Variants in HDAC11 observed in about 807,000 individuals in gnomAD.
The protein encoded by HDAC11 is histone deacetylase 11.
Under a neutral mutation model 41.1 loss-of-function variants are expected in HDAC11, and 23 were observed. The observed-to-expected ratio is 0.56, with a 90% CI of 0.40 to 0.79. The LOEUF is 0.79. Ranked by LOEUF, HDAC11 falls within the 30% of genes least tolerant of loss-of-function variation. The pLI is 0.00. For synonymous variants in HDAC11, 187 were observed against 186.6 expected, an observed-to-expected ratio of 1.00 and a Z score of -0.02; for missense variants, 402 against 477.3, an observed-to-expected ratio of 0.84 and a Z score of 1.47.
At position 13,493,733 on chromosome 3, in the gene HDAC11, C is replaced by T. The variant is rs532289661; in HGVS notation, c.253-3003C>T. On this transcript the variant is annotated intron_variant, in intron 3 of 9. Transcript: ENST00000295757. ...AAGCCTGCTGCTCCGCTGAGGGGCT[C>T]GTCTCGCCAACGTTGGCACAGCAAA... is the stretch of plus-strand genomic sequence containing the variant. 5.1e-4 allele frequency among the ~76,000 whole-genome samples: 77 copies of T among 152,310 alleles called. 2 individuals carry two copies. In the South Asian group the frequency reaches 0.015, roughly 30 times the overall value.
chr3:13,486,014 T>G (rs1019269482), intron 3 of HDAC11, among the ~76,000 whole-genome samples: 2 of 152,076 alleles, frequency 1.3e-5, no homozygotes, highest in African/African-American at 4.8e-5. Flanking sequence ...ATGCCTGTAA[T>G]CCCAGCACTT....
In HDAC11 at chr3:13,496,753, T is replaced by A. The variant is rs1400995811; in HGVS notation, c.270T>A (p.Ala90=). ...TTCCGCAGTGGTCCTTTGCTGTTGC[T>A]ACCATCACAGAAATCCCCCCCGTTA... ...LNELKWSFAV[A]TITEIPPVIF... Residue 90 remains alanine, a synonymous_variant, in exon 4 of 10, where the codon GCT becomes GCA. Coordinates refer to ENST00000295757, the MANE Select transcript of HDAC11 (RefSeq NM_024827.4). 2 of 1,605,634 alleles carry A rather than the reference T, an allele frequency of 1.2e-6. No homozygotes were observed. Among genetic ancestry groups the A allele is most frequent in the Non-Finnish European group, 1.7e-6 (2 of 1,176,110 alleles).
chr3:13,494,876 G>T (rs1462636398), intron 3 of HDAC11, among the ~76,000 whole-genome samples: 1 of 152,144 alleles, frequency 6.6e-6, no homozygotes, highest in East Asian at 1.9e-4. Context: ...CTGACTTAGG[G>T]TGTGTCCTGC....
intron 3 of HDAC11, among the ~76,000 whole-genome samples, chr3:13,483,840 A>G (rs1433957338): frequency 1.3e-5 from 2 of 152,130 alleles, no homozygotes; most frequent in African/African-American, 2.4e-5. Context: ...TTAGGCTTCT[A>G]CATTATGACT....
Position 13,506,405 on chromosome 3 carries a change from T to C in HDAC11, c.*1722T>C, listed in dbSNP as rs942352403. On this transcript the variant is annotated 3_prime_UTR_variant, in exon 10 of 10. Coordinates refer to ENST00000295757, the MANE Select transcript of HDAC11 (RefSeq NM_024827.4). ...TGGGTAGCTGCTCAATAAATGCTAG[T>C]GTGTTATTTCATCTTCTGAGTCCTG... 2.6e-5 allele frequency: 4 copies of C among 152,176 alleles called. No individual in the cohort carries two copies. Among genetic ancestry groups the C allele is most frequent in the African/African-American group, 9.7e-5 (4 of 41,426 alleles). 9.4% of individuals were successfully genotyped at this position (152,176 alleles called of 1,614,324 possible). A position where few individuals can be genotyped will look rare whatever the true frequency, so the allele number is the denominator to read the frequency against.
At chr3:13,485,784 TA>T (rs979180963) in intron 3 of HDAC11, among the ~76,000 whole-genome samples, 1 of 150,288 alleles carries the variant, frequency 6.7e-6, no homozygotes, top group Non-Finnish European at 1.5e-5. Flanking sequence ...GACTGTCTCT[TA>T]AAAAAAATAA....
chr3:13,489,138 A>G (rs1282557654), intron 3 of HDAC11, among the ~76,000 whole-genome samples: 1 of 152,036 alleles, frequency 6.6e-6, no homozygotes, highest in East Asian at 1.9e-4. Context: ...TTCTTTATAT[A>G]TTCTGGATAT....
chr3:13,492,628 T>G (rs553094140), intron 3 of HDAC11, among the ~76,000 whole-genome samples: 1 of 152,228 alleles, frequency 6.6e-6, no homozygotes, highest in African/African-American at 2.4e-5. Context: ...CACTGCAACC[T>G]CCACCCCTTG....
rs1701280931 is a variant in HDAC11, at chr3:13,480,824, T to G, written c.3-422T>G. ...GTGCTTACTGTGCTCAGCTCCTCAG[T>G]TGCATTCTCTGAGTCCTCACAACAG... On this transcript the variant is annotated intron_variant, in intron 1 of 9. Coordinates refer to ENST00000295757, the MANE Select transcript of HDAC11 (RefSeq NM_024827.4). The surrounding 1 kb of genome is among the most constrained non-coding windows in gnomAD (Gnocchi z 4.6). 5.0e-6 allele frequency: 2 copies of G among 403,982 alleles called. No individual in the cohort carries two copies. The highest frequency in any genetic ancestry group is 1.0e-5 in the Non-Finnish European group (2 of 193,388). The allele number at this position is 403,982 out of a possible 1,614,324, so 25.0% of individuals were successfully genotyped here.
rs1377773776 is a variant in HDAC11 at position 13,498,269 on chromosome 3, T to C, written c.370-244T>C. ...GATAAGTACTTTTATTTTTTCCAGT[T>C]TCCTTGCACAATTTCAAAGGTGCTT... On this transcript the variant is annotated intron_variant, in intron 4 of 9. Transcript: ENST00000295757. 2.6e-5 allele frequency among the ~76,000 whole-genome samples: 4 copies of C among 152,238 alleles called. No individual in the cohort carries two copies. In the East Asian group the frequency reaches 7.7e-4, roughly 29 times the overall value.
chr3:13,483,760 G>C (rs1358051656), intron 3 of HDAC11, among the ~76,000 whole-genome samples, 196 bp downstream of exon 3: 1 of 152,146 alleles, frequency 6.6e-6, no homozygotes, highest in Non-Finnish European at 1.5e-5. Flanking sequence ...GCAGACCTCA[G>C]TTTGGGCCAG....
rs1259733635 is a variant in HDAC11 at position 13,506,093 on chromosome 3, C to T, written c.*1410C>T. On this transcript the variant is annotated 3_prime_UTR_variant, in exon 10 of 10. Transcript: ENST00000295757. ...CACAAAATGTCAACAATGCTGGCCT[C>T]CTGGACCAGACCCCGAGGCTCTAAC... 1.3e-5 allele frequency: 2 copies of T among 152,250 alleles called. No homozygotes were observed. The highest frequency in any genetic ancestry group is 2.9e-5 in the Non-Finnish European group (2 of 68,070). The allele number at this position is 152,250 out of a possible 1,614,324, so 9.4% of individuals were successfully genotyped here. A position where few individuals can be genotyped will look rare whatever the true frequency, so the allele number is the denominator to read the frequency against.
In HDAC11 at chr3:13,504,479, G is replaced by A. The variant is rs748038637; in HGVS notation, c.840G>A (p.Lys280=). ...TCTTCCCCTAACAGGGCATCGTGAAGCGGGATGAGCTGGTGTTCCGGATGG... is the reference window on the plus strand; with the variant it reads ...TCTTCCCCTAACAGGGCATCGTGAAACGGGATGAGCTGGTGTTCCGGATGG... The part of the protein sequence containing the change: ...GLSISPAGIV[K]RDELVFRMVR... Residue 280 remains lysine (K), a synonymous_variant, in exon 10 of 10, where the codon AAG becomes AAA. Coordinates refer to ENST00000295757, the MANE Select transcript of HDAC11 (RefSeq NM_024827.4). 1.2e-6 allele frequency: 2 copies of A among 1,613,320 alleles called. No homozygotes were observed. The highest frequency in any genetic ancestry group is 4.5e-5 in the East Asian group (2 of 44,874).
At chr3:13,489,627 C>T (rs1701754150) in intron 3 of HDAC11, among the ~76,000 whole-genome samples, 1 of 152,322 alleles carries the variant, frequency 6.6e-6, no homozygotes, top group South Asian at 2.1e-4. Flanking sequence ...AGTACGGTGG[C>T]TCCATCTTGG....
At position 13,496,862 on chromosome 3, in the gene HDAC11, GT is replaced by G; in HGVS notation, c.369+11del. ...AGGAGGAACCATAATGGTAGGTGGG[GT>G]GGGGGGGCATGGCTGGGCTGGGGGC... On this transcript the variant is annotated intron_variant, in intron 4 of 9. Coordinates refer to ENST00000295757, the MANE Select transcript of HDAC11 (RefSeq NM_024827.4). 2.0e-6 allele frequency: 3 copies of G among 1,488,778 alleles called. No individual in the cohort carries two copies. The highest frequency in any genetic ancestry group is 2.8e-6 in the Non-Finnish European group (3 of 1,088,984). 92.2% of individuals were successfully genotyped at this position (1,488,778 alleles called of 1,614,324 possible). A position where few individuals can be genotyped will look rare whatever the true frequency, so the allele number is the denominator to read the frequency against.
At chr3:13,484,067 C>G (rs1248613903) in intron 3 of HDAC11, among the ~76,000 whole-genome samples, 2 of 151,620 alleles carry the variant, frequency 1.3e-5, no homozygotes, top group Non-Finnish European at 2.9e-5. Flanking sequence ...AAGCAATTAT[C>G]CTGTCTCACC....
At chr3:13,491,106 G>GTGTGTC (rs1553610910) in intron 3 of HDAC11, among the ~76,000 whole-genome samples, 209 of 145,672 alleles carry the variant, frequency 1.4e-3, no homozygotes, top group African/African-American at 3.2e-3. Flanking sequence ...GTGTGTGTGT[G>GTGTGTC]TGTGTGTATT....
At position 13,496,824 on chromosome 3, in the gene HDAC11, T is replaced by A. The variant is rs747071854; in HGVS notation, c.341T>A (p.Leu114His). 1 of 1,598,476 alleles carries A rather than the reference T, an allele frequency of 6.3e-7. No homozygotes were observed. Among genetic ancestry groups the A allele is most frequent in the Non-Finnish European group, 8.5e-7 (1 of 1,172,338 alleles). ...GTGCAGAGGAAGGTGCTGAGGCCCC[T>A]TCGGACCCAGACAGGAGGAACCATA... ...FLVQRKVLRP[L>H]RTQTGGTIMA... Residue 114 changes from leucine (L) to histidine (H), a missense_variant, in exon 4 of 10, where the codon CTT (leucine) becomes CAT (histidine). By Grantham distance (99) the Leu-to-His change is moderately conservative. Transcript: ENST00000295757.
rs779638275 is a variant in HDAC11, at chr3:13,502,600, A to G, written c.553-284A>G. ...TTTGCTTTTCACATCCCTGATCCCA[A>G]CCAGTCCCACCACAGACTTGAGAGG... On this transcript the variant is annotated intron_variant, in intron 7 of 9. Coordinates refer to ENST00000295757, the MANE Select transcript of HDAC11 (RefSeq NM_024827.4). The surrounding 1 kb of genome is among the most constrained non-coding windows in gnomAD (Gnocchi z 4.1). 1.2e-4 allele frequency: 44 copies of G among 368,266 alleles called. No homozygotes were observed. The highest frequency in any genetic ancestry group is 2.1e-4 in the Non-Finnish European group (41 of 196,666). 22.8% of individuals were successfully genotyped at this position (368,266 alleles called of 1,614,324 possible).
Sources: allele counts gnomAD v4.1 joint callset (sites outside exome capture counted in the v4.1 genomes callset), GRCh38; gene constraint gnomAD v4.1.1; non-coding constraint Gnocchi (gnomAD v3.1); transcripts MANE v1.5; gene names NCBI Gene and HGNC (gene_info 2026-07-23, HGNC 2026-07-21).